The following KHDRBS2 variants were observed in gnomAD, a reference collection of about 807,000 sequenced individuals.
The protein encoded by KHDRBS2 is KH RNA binding domain containing, signal transduction associated 2.
In KHDRBS2, 26 loss-of-function variants were observed where a neutral mutation model predicts 44.3. The observed-to-expected ratio is 0.59, with a 90% confidence interval of 0.43 to 0.81. The LOEUF (loss-of-function observed/expected upper bound fraction) is 0.81, where lower values mean the gene tolerates loss of function less well. KHDRBS2 is among the 40% of genes least tolerant of loss of function. The probability of loss-of-function intolerance (pLI) is 0.00; values close to 1 mark genes in which losing one functional copy is unlikely to be tolerated. For missense variants in KHDRBS2, 476 were observed against 433.1 expected, an observed-to-expected ratio of 1.10 and a Z score of -0.88; for synonymous variants, 194 against 151.1, an observed-to-expected ratio of 1.28 and a Z score of -2.08.
intron 4 of KHDRBS2, among the ~76,000 whole-genome samples, chr6:61,938,552 A>G (rs902078643): frequency 6.6e-6 from 1 of 152,138 alleles, no homozygotes; most frequent in Admixed American, 6.5e-5. Context: ...AGGGTGAAAT[A>G]ATTGCTCTGA....
chr6:62,218,962 G>T (rs1830451038), intron 1 of KHDRBS2, among the ~76,000 whole-genome samples: 1 of 151,840 alleles, frequency 6.6e-6, no homozygotes, highest in African/African-American at 2.4e-5. Flanking sequence ...TAATATGTAT[G>T]TGGACATACA....
intron 7 of KHDRBS2, among the ~76,000 whole-genome samples, chr6:61,720,284 T>A (rs1772221918): frequency 6.6e-6 from 1 of 152,150 alleles, no homozygotes; most frequent in South Asian, 2.1e-4. Context: ...GTCCTTTGGG[T>A]ATATAACCAG....
In KHDRBS2 at chr6:61,737,710, G is replaced by A. The variant is rs367672124; in HGVS notation, c.811-4946C>T. Among the ~76,000 whole-genome samples, 8 of 151,980 alleles carry A rather than the reference G, an allele frequency of 5.3e-5. No individual in the cohort carries two copies. The East Asian group carries it at 5.8e-4, about 11-fold the overall frequency. On this transcript the variant is annotated intron_variant, in intron 6 of 8. Coordinates refer to ENST00000281156, the MANE Select transcript of KHDRBS2 (RefSeq NM_152688.4). ...AGAGACAACCGCAGAGCCATAAAAGGCATGGACTCCGGCTTTATTCTGTCT... is the reference window on the plus strand; with the variant it reads ...AGAGACAACCGCAGAGCCATAAAAGACATGGACTCCGGCTTTATTCTGTCT...
chr6:62,199,003 T>C (rs1349697296), intron 1 of KHDRBS2, among the ~76,000 whole-genome samples: 1 of 152,118 alleles, frequency 6.6e-6, no homozygotes. Flanking sequence ...ATTATCTCAA[T>C]AGATGCAGAA....
chr6:61,598,835 TTC>T, the KHDRBS2 span, among the ~76,000 whole-genome samples: 410 of 30,220 alleles, frequency 0.014, 12 homozygotes, highest in Non-Finnish European at 0.02. Context: ...CTTTTTTCTT[TTC>T]TTTTTTTTTT....
intron 1 of KHDRBS2, among the ~76,000 whole-genome samples, chr6:62,269,576 T>C (rs903676155): frequency 1.3e-5 from 2 of 152,072 alleles, no homozygotes; most frequent in African/African-American, 4.8e-5. Context: ...TTAAAAAGAC[T>C]GAGAACGTCA....
chr6:62,099,765 T>A (rs3846822), intron 2 of KHDRBS2, among the ~76,000 whole-genome samples: 92,906 of 151,990 alleles, frequency 0.61, 28,597 homozygotes, highest in Non-Finnish European at 0.62. Context: ...GCAGTAGACC[T>A]ACCTGCTGCT....
At chr6:62,169,042 T>TATATATATATAC (rs1819289278) in intron 2 of KHDRBS2, among the ~76,000 whole-genome samples, 1 of 139,598 alleles carries the variant, frequency 7.2e-6, no homozygotes, top group South Asian at 2.2e-4. Flanking sequence ...GTCATATATA[T>TATATATATATAC]ATATATATAT....
intron 2 of KHDRBS2, among the ~76,000 whole-genome samples, chr6:62,126,237 C>T (rs1277394720): frequency 6.6e-6 from 1 of 152,030 alleles, no homozygotes; most frequent in Non-Finnish European, 1.5e-5. Context: ...GCAGTGGTGG[C>T]CGTGGGGAGA....
chr6:61,718,976 T>G (rs762070455), intron 7 of KHDRBS2, among the ~76,000 whole-genome samples: 3 of 152,166 alleles, frequency 2.0e-5, no homozygotes, highest in Non-Finnish European at 4.4e-5. Flanking sequence ...TAATAATGCC[T>G]TATATTTCAG....
the KHDRBS2 span, among the ~76,000 whole-genome samples, chr6:61,550,639 A>G: frequency 2.0e-5 from 3 of 152,176 alleles, no homozygotes; most frequent in Non-Finnish European, 2.9e-5. Context: ...ACTGGTTTCC[A>G]TAATGGCTCA....
intron 2 of KHDRBS2, among the ~76,000 whole-genome samples, chr6:62,115,528 T>A (rs1017623735): frequency 3.3e-5 from 5 of 152,194 alleles, no homozygotes; most frequent in Non-Finnish European, 7.4e-5. Flanking sequence ...AATCCTACAG[T>A]TATGAGATGA....
intron 4 of KHDRBS2, among the ~76,000 whole-genome samples, chr6:61,930,401 G>A (rs1200553024): frequency 6.6e-6 from 1 of 151,616 alleles, no homozygotes; most frequent in Non-Finnish European, 1.5e-5. Context: ...GAAAGAACTA[G>A]TTCTCATAAT....
chr6:61,944,198 A>G (rs542570551), intron 4 of KHDRBS2, among the ~76,000 whole-genome samples: 188 of 152,300 alleles, frequency 1.2e-3, no homozygotes, highest in African/African-American at 4.4e-3. Flanking sequence ...TATCAAAGGA[A>G]TATCTGAACT....
intron 6 of KHDRBS2, among the ~76,000 whole-genome samples, chr6:61,868,167 C>A (rs780627420): frequency 4.6e-5 from 7 of 151,808 alleles, no homozygotes; most frequent in Non-Finnish European, 7.4e-5. Context: ...GAGGACCCAC[C>A]CAGGGAGGAA....
intron 4 of KHDRBS2, among the ~76,000 whole-genome samples, chr6:61,938,744 G>T (rs1299802012): frequency 6.6e-6 from 1 of 152,082 alleles, no homozygotes; most frequent in African/African-American, 2.4e-5. Flanking sequence ...TCCACAAAAG[G>T]TTTGGTGTCT....
intron 8 of KHDRBS2, among the ~76,000 whole-genome samples, chr6:61,689,617 G>A (rs564107382): frequency 2.1e-4 from 32 of 152,046 alleles, no homozygotes; most frequent in Middle Eastern, 3.4e-3. Context: ...GATACCAAAA[G>A]CCTCTTGAGT....
At chr6:62,130,867 C>A (rs1167985423) in intron 2 of KHDRBS2, among the ~76,000 whole-genome samples, 1 of 151,890 alleles carries the variant, frequency 6.6e-6, no homozygotes, top group Non-Finnish European at 1.5e-5. Context: ...GTATAAAACA[C>A]AATGATTGTA....
chr6:61,599,419 A>C, the KHDRBS2 span, among the ~76,000 whole-genome samples: 1 of 152,122 alleles, frequency 6.6e-6, no homozygotes, highest in Non-Finnish European at 1.5e-5. Context: ...TTTGAATACC[A>C]TGGACATGAG....
Sources: gnomAD v4.1 joint callset for allele counts (sites outside exome capture counted in the v4.1 genomes callset) on GRCh38, gnomAD v4.1.1 for gene constraint, MANE v1.5 for transcripts, NCBI Gene and HGNC (gene_info 2026-07-23, HGNC 2026-07-21) for gene names.